The following TAF4 variants were observed in gnomAD, a reference collection of about 807,000 sequenced individuals.
TAF4 encodes the protein TATA-box binding protein associated factor 4.
A neutral mutation model predicts 90.3 loss-of-function variants in TAF4; 9 were observed. That is an observed-to-expected ratio of 0.10 (90% confidence interval 0.06 to 0.17). The LOEUF is 0.17. Among genes scored for constraint, TAF4 ranks in the 10% least tolerant of loss-of-function variants. The probability of loss-of-function intolerance (pLI) is 1.00; values close to 1 mark genes in which losing one functional copy is unlikely to be tolerated. For missense variants in TAF4, 1,351 were observed against 1,370.7 expected (o/e 0.99, Z 0.23); for synonymous variants, 818 against 638.9 (o/e 1.28, Z -4.23).
intron 5 of TAF4, among the ~76,000 whole-genome samples, chr20:62,008,501 G>C (rs527780287): frequency 2.0e-5 from 3 of 150,656 alleles, no homozygotes; most frequent in Admixed American, 6.6e-5. Context: ...CCCACCTTCC[G>C]GCCAGGGGAC....
At chr20:61,998,334 CAAA>C (rs2055676418) in intron 12 of TAF4, 142 bp from the exon 13 acceptor site, 1 of 824,414 alleles carries the variant, frequency 1.2e-6, no homozygotes, top group Non-Finnish European at 1.8e-6. Context: ...TGCTTATAGC[CAAA>C]GATGAAAATT....
At chr20:61,998,025 C>A in intron 13 of TAF4, 111 bp downstream of exon 13, 1 of 1,005,072 alleles carries the variant, frequency 9.9e-7, no homozygotes, top group Middle Eastern at 2.1e-4. Context: ...TTTAAACAGA[C>A]ACGCAAATGC....
intron 14 of TAF4, among the ~76,000 whole-genome samples, chr20:61,995,015 T>A (rs564345954): frequency 6.6e-6 from 1 of 152,306 alleles, no homozygotes; most frequent in East Asian, 1.9e-4. Context: ...TAAAGGGGCT[T>A]GAGAAACACC....
intron 1 of TAF4, among the ~76,000 whole-genome samples, chr20:62,064,089 G>C (rs1214481253): frequency 6.6e-6 from 1 of 152,234 alleles, no homozygotes; most frequent in Non-Finnish European, 1.5e-5. Flanking sequence ...GCCTGGCCCA[G>C]GGAGCCCCTG....
intron 1 of TAF4, among the ~76,000 whole-genome samples, chr20:62,052,275 G>C (rs1189929451): frequency 7.1e-6 from 1 of 141,324 alleles, no homozygotes; most frequent in Non-Finnish European, 1.5e-5. Context: ...CCGACCCGAA[G>C]CACGAATCCA....
intron 14 of TAF4, among the ~76,000 whole-genome samples, chr20:61,996,041 CCA>C (rs1301366905): frequency 6.6e-6 from 1 of 152,022 alleles, no homozygotes; most frequent in Non-Finnish European, 1.5e-5. Context: ...AACTGAATAT[CCA>C]GAGAACCACA....
rs1228064231 is a variant in TAF4 at position 62,064,642 on chromosome 20, G to A, written c.1169C>T (p.Pro390Leu). ...QGALPSPAAV[P>L]PPAPGTPTGL... ...GGTGGGGGTCCCGGGGGCGGGCGGC[G>A]GGACGGCGGCCGGGCTGGGCAGCGC... The change falls in exon 1 of 15, where the codon CCG becomes CTG. Residue 390 changes from proline (P) to leucine (L), a missense_variant. Physicochemically the swap from Pro to Leu is moderately conservative, Grantham distance 98. Coordinates refer to ENST00000252996, the MANE Select transcript of TAF4 (RefSeq NM_003185.4). The A allele has an allele frequency of 2.3e-6, 3 of 1,333,138 alleles. No homozygotes were observed. The highest frequency in any genetic ancestry group is 3.1e-5 in the African/African-American group (2 of 64,046). The allele number at this position is 1,333,138 out of a possible 1,614,324, so 82.6% of individuals were successfully genotyped here.
chr20:61,994,717 G>A (rs987092133), intron 14 of TAF4, among the ~76,000 whole-genome samples: 3 of 152,156 alleles, frequency 2.0e-5, no homozygotes, highest in African/African-American at 7.2e-5. Context: ...GTCCTCATCA[G>A]GTCACTACCC....
chr20:62,003,398 A>C, intron 8 of TAF4, 124 bp from the exon 9 acceptor site: 2 of 776,282 alleles, frequency 2.6e-6, no homozygotes, highest in Non-Finnish European at 4.3e-6. Context: ...AAAGTTTCCA[A>C]AAACTTCATA....
intron 1 of TAF4, among the ~76,000 whole-genome samples, chr20:62,053,479 G>C (rs1235441836): frequency 6.6e-6 from 1 of 152,238 alleles, no homozygotes; most frequent in African/African-American, 2.4e-5. Flanking sequence ...CATCTGAACA[G>C]AGAAGATGCC....
chr20:62,035,799 T>C (rs963036534), intron 1 of TAF4, among the ~76,000 whole-genome samples: 1 of 152,058 alleles, frequency 6.6e-6, no homozygotes, highest in African/African-American at 2.4e-5. Flanking sequence ...ATACTGGCCA[T>C]ATACAGATGA....
Position 62,064,710 on chromosome 20 carries a change from G to A in TAF4, c.1101C>T (p.Ala367=). 1 of 1,236,638 alleles carries A rather than the reference G, an allele frequency of 8.1e-7. No individual in the cohort carries two copies. The highest frequency in any genetic ancestry group is 1.0e-6 in the Non-Finnish European group (1 of 992,814). The allele number at this position is 1,236,638 out of a possible 1,614,324, so 76.6% of individuals were successfully genotyped here. ...CGATGACCATGCTGGCCGCCGTGCT[G>A]GCCGGGCCGCTGGCCGCCAGGGTCT... ...AAQTLAASGP[A]STAASMVIGP... The change falls in exon 1 of 15, where the codon GCC becomes GCT. Residue 367 remains alanine, a synonymous_variant. Transcript: ENST00000252996.
At chr20:62,027,324 A>T (rs1372081172) in intron 1 of TAF4, among the ~76,000 whole-genome samples, 1 of 152,144 alleles carries the variant, frequency 6.6e-6, no homozygotes, top group Non-Finnish European at 1.5e-5. Flanking sequence ...GCCCCTGGAA[A>T]ACCTTCACCC....
At chr20:61,985,549 ACT>A (rs567958126) in intron 14 of TAF4, among the ~76,000 whole-genome samples, 8 of 151,936 alleles carry the variant, frequency 5.3e-5, no homozygotes, top group Non-Finnish European at 8.8e-5. Flanking sequence ...GAAATGCTAC[ACT>A]CCAGGTAGTT....
intron 9 of TAF4, among the ~76,000 whole-genome samples, chr20:62,002,438 CCTGA>C (rs1353405855): frequency 2.6e-5 from 4 of 152,200 alleles, no homozygotes; most frequent in Admixed American, 1.3e-4. Flanking sequence ...TAAGCACCTC[CCTGA>C]CTGAGGTGAT....
Position 62,010,315 on chromosome 20 carries a change from G to T in TAF4, c.1642-150C>A. ...AAGGACCCCGGCCACCTGCCAGCCC[G>T]CTGGACACGGGAGTGCTGCTGGGAG... On this transcript the variant is annotated intron_variant, in intron 3 of 14. Transcript: ENST00000252996. The surrounding 1 kb of genome is among the most constrained non-coding windows in gnomAD (Gnocchi z 4.5). The T allele has an allele frequency of 8.5e-7, 1 of 1,181,896 alleles. No individual in the cohort carries two copies. Among genetic ancestry groups the T allele is most frequent in the South Asian group, 1.4e-5 (1 of 69,558 alleles). The allele number at this position is 1,181,896 out of a possible 1,614,324, so 73.2% of individuals were successfully genotyped here.
intron 2 of TAF4, among the ~76,000 whole-genome samples, chr20:62,013,666 A>G (rs894679293): frequency 7.2e-5 from 11 of 152,374 alleles, no homozygotes; most frequent in Middle Eastern, 6.8e-3. Context: ...TGATCAAGTC[A>G]TTCCAGTCTT....
At chr20:62,061,936 GC>G (rs770017219) in intron 1 of TAF4, among the ~76,000 whole-genome samples, 1 of 152,184 alleles carries the variant, frequency 6.6e-6, no homozygotes, top group African/African-American at 2.4e-5. Flanking sequence ...AAACACTCGG[GC>G]CTAAGGCTTA....
rs914906691 is a variant in TAF4, at chr20:62,010,277, C to T, written c.1642-112G>A. On this transcript the variant is annotated intron_variant, in intron 3 of 14. Coordinates refer to ENST00000252996, the MANE Select transcript of TAF4 (RefSeq NM_003185.4). This position sits in a 1 kb window ranked among gnomAD's most constrained non-coding sequence, Gnocchi z 4.5. Reference sequence around the variant, plus strand: ...ACAAGCCTCCCTGCGGTGGCCAGGACGCCCAGGAAGCCAAGGACCCCGGCC... The same window carrying T: ...ACAAGCCTCCCTGCGGTGGCCAGGATGCCCAGGAAGCCAAGGACCCCGGCC... 4.1e-5 allele frequency: 63 copies of T among 1,519,640 alleles called. 1 individual carries two copies. Among genetic ancestry groups the T allele is most frequent in the Non-Finnish European group, 5.2e-5 (59 of 1,125,440 alleles). 94.1% of individuals were successfully genotyped at this position (1,519,640 alleles called of 1,614,324 possible).
Sources: gnomAD v4.1 joint callset for allele counts (sites outside exome capture counted in the v4.1 genomes callset) on GRCh38, gnomAD v4.1.1 for gene constraint, Gnocchi (gnomAD v3.1) non-coding constraint, MANE v1.5 for transcripts, NCBI Gene and HGNC (gene_info 2026-07-23, HGNC 2026-07-21) for gene names.